Variants in RBBP8 observed in about 807,000 individuals in gnomAD.
The protein encoded by RBBP8 is RB binding protein 8, endonuclease, also known as DNA endonuclease RBBP8.
In RBBP8, 88 loss-of-function variants were observed where a neutral mutation model predicts 108.3. The ratio of observed to expected loss-of-function variants is 0.81; its 90% CI spans 0.68 to 0.97. The LOEUF (loss-of-function observed/expected upper bound fraction) is 0.97, where lower values mean the gene tolerates loss of function less well. RBBP8 is among the 50% of genes least tolerant of loss of function. RBBP8 has a pLI of 0.00. For missense variants in RBBP8, 1,023 were observed against 1,049.0 expected, an observed-to-expected ratio of 0.98 and a Z score of 0.34; for synonymous variants, 332 against 348.2, an observed-to-expected ratio of 0.95 and a Z score of 0.52.
At chr18:22,946,536 C>G in intron 3 of RBBP8, 50 bp downstream of exon 3, 1 of 1,605,230 alleles carries the variant, frequency 6.2e-7, no homozygotes, top group Non-Finnish European at 8.5e-7. Context: ...GTAGTTGATA[C>G]TGATGTCCAA....
rs757154095 is a variant in RBBP8, at chr18:23,026,133, T to C, written c.2597-10T>C. ...CATACAGTCTTCTAAGTTTATGATT[T>C]GTTTTTAAGGTTATATTAAGGAAGA... On this transcript the variant is annotated splice_polypyrimidine_tract_variant and intron_variant, in intron 18 of 18. Coordinates refer to ENST00000327155, the MANE Select transcript of RBBP8 (RefSeq NM_002894.3). The C allele has an allele frequency of 6.2e-7, 1 of 1,600,794 alleles. No individual in the cohort carries two copies. The highest frequency in any genetic ancestry group is 1.3e-5 in the African/African-American group (1 of 74,652).
chr18:22,949,206 G>A (rs977809409), intron 3 of RBBP8, among the ~76,000 whole-genome samples: 1 of 152,072 alleles, frequency 6.6e-6, no homozygotes, highest in Non-Finnish European at 1.5e-5. Context: ...GTTCCCGTTC[G>A]TCCACTTCAC....
chr18:22,925,775 G>A (rs1474534251), intron 3 of RBBP8, among the ~76,000 whole-genome samples: 1 of 152,086 alleles, frequency 6.6e-6, no homozygotes, highest in African/African-American at 2.4e-5. Context: ...TTCCATTGCT[G>A]TAAATAAATA....
intron 3 of RBBP8, among the ~76,000 whole-genome samples, chr18:22,920,482 T>G (rs4800438): frequency 0.49 from 73,779 of 151,828 alleles, 21,210 homozygotes; most frequent in Middle Eastern, 0.67. Flanking sequence ...AGTGAAAATG[T>G]AACTTGAATA....
chr18:22,952,670 T>G (rs538931608), intron 4 of RBBP8, among the ~76,000 whole-genome samples: 10 of 152,284 alleles, frequency 6.6e-5, no homozygotes, highest in South Asian at 2.1e-4. Flanking sequence ...AAGCCATCTC[T>G]CCCACTCACC....
At position 22,936,813 on chromosome 18, in the gene RBBP8, A is replaced by G; in HGVS notation, c.-39A>G. 1 of 1,613,004 alleles carries G rather than the reference A, an allele frequency of 6.2e-7. No homozygotes were observed. Among genetic ancestry groups the G allele is most frequent in the Non-Finnish European group, 8.5e-7 (1 of 1,179,274 alleles). On this transcript the variant is annotated 5_prime_UTR_variant, in exon 2 of 19. Coordinates refer to ENST00000327155, the MANE Select transcript of RBBP8 (RefSeq NM_002894.3). ...TATAATGTAACAGAAAAGGTCAGAA[A>G]ATATTAAGCAAGTAGAAGTGTGGAG... is the stretch of plus-strand genomic sequence containing the variant.
At chr18:22,951,523 C>T (rs1163120147) in intron 4 of RBBP8, among the ~76,000 whole-genome samples, 1 of 152,132 alleles carries the variant, frequency 6.6e-6, no homozygotes, top group East Asian at 1.9e-4. Flanking sequence ...CTTCAGACAC[C>T]AGATGTGAGG....
intron 3 of RBBP8, among the ~76,000 whole-genome samples, chr18:22,919,845 T>G (rs1036066774): frequency 6.6e-6 from 1 of 151,738 alleles, no homozygotes; most frequent in Non-Finnish European, 1.5e-5. Flanking sequence ...AGCCACCATG[T>G]CTAGCCTAAT....
intron 3 of RBBP8, among the ~76,000 whole-genome samples, chr18:22,928,247 T>C (rs1370336421): frequency 6.7e-6 from 1 of 150,348 alleles, no homozygotes; most frequent in Admixed American, 6.6e-5. Flanking sequence ...GAAAGCACAG[T>C]CTGACATCAA....
At chr18:23,022,623 A>AAAAT (rs1568009981) in intron 18 of RBBP8, among the ~76,000 whole-genome samples, 52 of 50,452 alleles carry the variant, frequency 1.0e-3, no homozygotes, top group African/African-American at 1.5e-3. Context: ...AAAATAAAAT[A>AAAAT]AAATAAAATA....
chr18:22,984,177 C>T (rs1001897316), intron 7 of RBBP8, among the ~76,000 whole-genome samples: 1 of 152,008 alleles, frequency 6.6e-6, no homozygotes, highest in African/African-American at 2.4e-5. Context: ...GTTTATAATG[C>T]TTTTTAATAT....
At chr18:22,949,742 G>T (rs530656105) in intron 4 of RBBP8, 29 bp downstream of exon 4, 19 of 1,473,458 alleles carry the variant, frequency 1.3e-5, no homozygotes, top group African/African-American at 6.9e-5. Flanking sequence ...TCTTGAGTAA[G>T]AAGTGATTTC....
chr18:22,979,201 GT>G (rs1914714286), intron 6 of RBBP8, among the ~76,000 whole-genome samples: 1 of 152,178 alleles, frequency 6.6e-6, no homozygotes, highest in African/African-American at 2.4e-5. Context: ...CCTGGCAGAG[GT>G]TGCAGTGCGC....
At chr18:22,983,655 T>G (rs1257772676) in intron 7 of RBBP8, among the ~76,000 whole-genome samples, 1 of 48,140 alleles carries the variant, frequency 2.1e-5, no homozygotes, top group African/African-American at 3.4e-5. Flanking sequence ...TATTTCTTCT[T>G]TGTATGAAAG....
intron 7 of RBBP8, among the ~76,000 whole-genome samples, 172 bp from the exon 8 acceptor site, chr18:22,984,714 A>G (rs1277781377): frequency 2.0e-5 from 3 of 152,246 alleles, no homozygotes; most frequent in Non-Finnish European, 4.4e-5. Flanking sequence ...TAGTGAAATT[A>G]AAGGAGCTTA....
In RBBP8 at chr18:22,968,872, G is replaced by T. The variant is rs759155066; in HGVS notation, c.315G>T (p.Glu105Asp). The T allele has an allele frequency of 6.2e-7, 1 of 1,613,352 alleles. No individual in the cohort carries two copies. Among genetic ancestry groups the T allele is most frequent in the Non-Finnish European group, 8.5e-7 (1 of 1,179,614 alleles). Residue 105 changes from glutamate (E) to aspartate (D), a missense_variant, in exon 5 of 19, where the codon GAG (glutamate) becomes GAT (aspartate). Transcript: ENST00000327155. ...TEEHMRKKQQEFENIRQQNLK... is the reference protein window; with the variant it reads ...TEEHMRKKQQDFENIRQQNLK... ...AACATATGCGGAAAAAACAGCAAGA[G>T]TTTGAAAATATCCGGCAGCAGAATC...
chr18:22,990,323 T>C (rs575106283), intron 9 of RBBP8, among the ~76,000 whole-genome samples: 4 of 152,328 alleles, frequency 2.6e-5, no homozygotes, highest in Admixed American at 1.3e-4. Context: ...TTGACTTGTA[T>C]GCATGTTAAA....
intron 4 of RBBP8, among the ~76,000 whole-genome samples, chr18:22,965,472 T>G (rs1273234162): frequency 6.6e-6 from 1 of 152,120 alleles, no homozygotes; most frequent in Non-Finnish European, 1.5e-5. Flanking sequence ...AATTCTATTT[T>G]CTAGAATGTG....
At chr18:22,925,187 A>C (rs1598621787) in intron 3 of RBBP8, among the ~76,000 whole-genome samples, 2 of 152,300 alleles carry the variant, frequency 1.3e-5, no homozygotes, top group South Asian at 4.1e-4. Flanking sequence ...TATCTATTTC[A>C]ATTTTAGTAT....
Sources: gnomAD v4.1 joint callset for allele counts (sites outside exome capture counted in the v4.1 genomes callset) on GRCh38, gnomAD v4.1.1 for gene constraint, MANE v1.5 for transcripts, NCBI Gene and HGNC (gene_info 2026-07-23, HGNC 2026-07-21) for gene names.